Variants in ABCA4 observed in about 807,000 individuals in gnomAD.
The protein encoded by ABCA4 is ATP binding cassette subfamily A member 4.
Under a neutral mutation model 263.7 loss-of-function variants are expected in ABCA4, and 196 were observed. That is an observed-to-expected ratio of 0.74 (90% CI 0.66 to 0.84). The LOEUF is 0.84. ABCA4 is among the 40% of genes least tolerant of loss of function. The probability of loss-of-function intolerance (pLI) is 0.00; values close to 1 mark genes in which losing one functional copy is unlikely to be tolerated. For missense variants in ABCA4, 2,792 were observed against 2,855.1 expected (o/e 0.98, Z 0.50); for synonymous variants, 1,133 against 1,094.2 (o/e 1.04, Z -0.70).
chr1:94,019,003 T>A (rs1053865788), intron 36 of ABCA4, among the ~76,000 whole-genome samples: 2 of 147,594 alleles, frequency 1.4e-5, no homozygotes, highest in Non-Finnish European at 3.0e-5. Flanking sequence ...AATTTGAGTT[T>A]CAGATAAACA....
At chr1:94,014,372 T>A (rs1276734243) in intron 38 of ABCA4, among the ~76,000 whole-genome samples, 171 bp downstream of exon 38, 2 of 66,450 alleles carry the variant, frequency 3.0e-5, no homozygotes, top group African/African-American at 1.6e-4. Context: ...GAAGGAAGGA[T>A]GGGAGGAAGG....
At chr1:94,078,561 T>TC in intron 10 of ABCA4, 29 bp downstream of exon 10, 22 of 430,050 alleles carry the variant, frequency 5.1e-5, no homozygotes, top group Middle Eastern at 4.2e-4. Context: ...CCTCCTCCCC[T>TC]CCCCTCCCCA....
intron 49 of ABCA4, among the ~76,000 whole-genome samples, chr1:93,993,925 A>G (rs1658933916): frequency 6.6e-6 from 1 of 152,126 alleles, no homozygotes. Context: ...AGGCCTGACC[A>G]GTCTAGACGA....
chr1:94,008,874 A>T lies in ABCA4; in HGVS notation c.5715-3T>A. 6.2e-7 allele frequency: 1 copy of T among 1,612,246 alleles called. No homozygotes were observed. Among genetic ancestry groups the T allele is most frequent in the Non-Finnish European group, 8.5e-7 (1 of 1,179,896 alleles). ...GCTCCTTAGTGGGCTCGGCAATCCT[A>T]GATGAAGAAAAGGGGTCAGGATTGG... is the stretch of plus-strand genomic sequence containing the variant. On this transcript the variant is annotated splice_polypyrimidine_tract_variant and splice_region_variant and intron_variant, in intron 40 of 49. Transcript: ENST00000370225.
At chr1:94,032,364 C>T (rs574092185) in intron 26 of ABCA4, among the ~76,000 whole-genome samples, 1 of 152,168 alleles carries the variant, frequency 6.6e-6, no homozygotes, top group East Asian at 1.9e-4. Flanking sequence ...TGGCTGGGCA[C>T]GGAGGCTCAC....
At chr1:94,018,442 C>T in intron 36 of ABCA4, 1 of 397,894 alleles carries the variant, frequency 2.5e-6, no homozygotes, top group Non-Finnish European at 5.0e-6. Flanking sequence ...ATGAGTGTTT[C>T]CTCGTGTAGA....
intron 18 of ABCA4, among the ~76,000 whole-genome samples, chr1:94,047,835 G>A (rs1045876280): frequency 5.3e-5 from 8 of 151,966 alleles, no homozygotes; most frequent in East Asian, 1.9e-4. Flanking sequence ...GACCCTCACC[G>A]AGTGCTCTCA....
chr1:94,056,397 G>T (rs929008595), intron 15 of ABCA4, among the ~76,000 whole-genome samples: 11 of 152,194 alleles, frequency 7.2e-5, no homozygotes, highest in African/African-American at 2.4e-4. Context: ...AATCAAGCAG[G>T]CGTGGTGAGG....
At chr1:94,111,239 T>A (rs1557809461) in intron 3 of ABCA4, among the ~76,000 whole-genome samples, 199 bp downstream of exon 3, 1 of 152,246 alleles carries the variant, frequency 6.6e-6, no homozygotes, top group Non-Finnish European at 1.5e-5. Context: ...TGGCCTTAGC[T>A]TGGAGATTTC....
In ABCA4 at chr1:94,074,071, T is replaced by C. The variant is rs540001140; in HGVS notation, c.1554+3619A>G. Among the ~76,000 whole-genome samples the C allele has an allele frequency of 2.6e-5, 4 of 152,256 alleles. No homozygotes were observed. In the South Asian group the frequency reaches 6.2e-4, roughly 24 times the overall value. ...GGAACTGCAGGTCCCACAAATCTAATAGGTCTGTAAACATGCAGATAACCA... is the reference window on the plus strand; with the variant it reads ...GGAACTGCAGGTCCCACAAATCTAACAGGTCTGTAAACATGCAGATAACCA... On this transcript the variant is annotated intron_variant, in intron 11 of 49. Transcript: ENST00000370225.
intron 10 of ABCA4, 105 bp from the exon 11 acceptor site, chr1:94,077,992 C>G: frequency 9.0e-7 from 1 of 1,110,688 alleles, no homozygotes; most frequent in Non-Finnish European, 1.3e-6. Flanking sequence ...GATAGAGATG[C>G]TAAGGCTCCC....
chr1:94,074,634 A>G (rs1226907376), intron 11 of ABCA4, among the ~76,000 whole-genome samples: 1 of 152,228 alleles, frequency 6.6e-6, no homozygotes, highest in Admixed American at 6.5e-5. Flanking sequence ...GGTATCTATC[A>G]TCTCATGCCA....
In ABCA4 at chr1:94,107,317, G is replaced by C. The variant is rs765840324; in HGVS notation, c.442+1260C>G. On this transcript the variant is annotated intron_variant, in intron 4 of 49. Coordinates refer to ENST00000370225, the MANE Select transcript of ABCA4 (RefSeq NM_000350.3). ...TCTCCCCCAGAGCAGCCTTTCCTCA[G>C]AGGGCACGCTCCACACCCAAAGCTG... Among the ~76,000 whole-genome samples, 20 of 152,170 alleles carry C rather than the reference G, an allele frequency of 1.3e-4. 1 individual carries two copies. Among genetic ancestry groups the C allele is most frequent in the Non-Finnish European group, 2.4e-4 (16 of 68,036 alleles).
Position 94,057,479 on chromosome 1 carries a change from G to C in ABCA4, c.2161-657C>G, listed in dbSNP as rs151188074. Reference sequence around the variant, plus strand: ...TGGAAAACAAAAGAGGGAGATGGGAGGGAACTCCAGAGGAGCTTCAACATT... The same window carrying C: ...TGGAAAACAAAAGAGGGAGATGGGACGGAACTCCAGAGGAGCTTCAACATT... On this transcript the variant is annotated intron_variant, in intron 14 of 49. Coordinates refer to ENST00000370225, the MANE Select transcript of ABCA4 (RefSeq NM_000350.3). Among the ~76,000 whole-genome samples, 645 of 152,266 alleles carry C rather than the reference G, an allele frequency of 4.2e-3. 6 individuals carry two copies. Among genetic ancestry groups the C allele is most frequent in the African/African-American group, 0.015 (615 of 41,544 alleles).
At chr1:94,005,691 C>T (rs959600068) in intron 43 of ABCA4, 109 bp from the exon 44 acceptor site, 1 of 1,124,158 alleles carries the variant, frequency 8.9e-7, no homozygotes, top group East Asian at 2.5e-5. Context: ...TGCTTCTTCT[C>T]TTCTCCTATT....
chr1:94,067,423 T>C (rs1661297302), intron 11 of ABCA4, among the ~76,000 whole-genome samples: 1 of 152,198 alleles, frequency 6.6e-6, no homozygotes, highest in Non-Finnish European at 1.5e-5. Context: ...TGATTCATAG[T>C]CATGTTTCCT....
chr1:94,046,307 C>CAA (rs1660675255), intron 19 of ABCA4, among the ~76,000 whole-genome samples: 1 of 108,016 alleles, frequency 9.3e-6, no homozygotes. Context: ...AAAAAAAATA[C>CAA]AAAAATTAGC....
rs199968671 is a variant in ABCA4, at chr1:94,010,753, T to G, written c.5714+47A>C. 32 of 1,613,932 alleles carry G rather than the reference T, an allele frequency of 2.0e-5. No individual in the cohort carries two copies. The East Asian group carries it at 7.1e-4, about 36-fold the overall frequency. ...ACCATGTGGGTATAAGGTCCAGTTC[T>G]GGATGCCCTGAGCTGCCCACTGGCC... On this transcript the variant is annotated intron_variant, in intron 40 of 49. Coordinates refer to ENST00000370225, the MANE Select transcript of ABCA4 (RefSeq NM_000350.3).
chr1:94,055,446 C>T, intron 15 of ABCA4, 131 bp from the exon 16 acceptor site: 1 of 851,882 alleles, frequency 1.2e-6, no homozygotes, highest in Non-Finnish European at 1.9e-6. Flanking sequence ...AAGGTCAGCT[C>T]AGGAGGGTGA....
Sources: gnomAD v4.1 joint callset for allele counts (sites outside exome capture counted in the v4.1 genomes callset) on GRCh38, gnomAD v4.1.1 for gene constraint, MANE v1.5 for transcripts, NCBI Gene and HGNC (gene_info 2026-07-23, HGNC 2026-07-21) for gene names.